Variants in TTC27 observed in about 807,000 individuals in gnomAD.
The protein encoded by TTC27 is tetratricopeptide repeat protein 27.
TTC27 carries 79 observed loss-of-function variants against 115.9 expected under a neutral mutation model. The ratio of observed to expected loss-of-function variants is 0.68; its 90% CI spans 0.57 to 0.82. The LOEUF (loss-of-function observed/expected upper bound fraction) is 0.82, where lower values mean the gene tolerates loss of function less well. TTC27 is among the 40% of genes least tolerant of loss of function. The pLI is 0.00. For synonymous variants in TTC27, 401 were observed against 356.0 expected (o/e 1.13, Z -1.42); for missense variants, 1,054 against 993.1 (o/e 1.06, Z -0.82).
chr2:32,708,301 C>CTTTTTTTTTTTTTTTTTT (rs1159740039), intron 10 of TTC27, among the ~76,000 whole-genome samples: 10 of 80,282 alleles, frequency 1.2e-4, no homozygotes, highest in South Asian at 5.2e-4. Flanking sequence ...TTTTCTCTAC[C>CTTTTTTTTTTTTTTTTTT]TTGTTTTTTT....
At chr2:32,652,510 C>G (rs748090436) in intron 5 of TTC27, among the ~76,000 whole-genome samples, 6 of 152,116 alleles carry the variant, frequency 3.9e-5, no homozygotes, top group Non-Finnish European at 8.8e-5. Context: ...AAATGTGACT[C>G]TAAGTGACTC....
intron 15 of TTC27, among the ~76,000 whole-genome samples, chr2:32,785,435 A>G (rs79200710): frequency 0.02 from 3,105 of 152,246 alleles, 59 homozygotes; most frequent in Non-Finnish European, 0.024. Flanking sequence ...TAGAATCTCT[A>G]TCAGATGTAT....
At chr2:32,741,733 G>A (rs1668655509) in intron 12 of TTC27, among the ~76,000 whole-genome samples, 1 of 152,142 alleles carries the variant, frequency 6.6e-6, no homozygotes, top group African/African-American at 2.4e-5. Context: ...CATGTAGCAA[G>A]AAGTCAATCA....
At chr2:32,809,290 G>C (rs932780369) in intron 16 of TTC27, among the ~76,000 whole-genome samples, 6 of 152,154 alleles carry the variant, frequency 3.9e-5, no homozygotes, top group Non-Finnish European at 8.8e-5. Flanking sequence ...CAGTCTTTCA[G>C]GCACAATTAT....
rs36120062 is a variant in TTC27 at position 32,723,971 on chromosome 2, CTT to C, written c.1234-9841_1234-9840del. Among the ~76,000 whole-genome samples the C allele has an allele frequency of 4.1e-4, 38 of 92,384 alleles. 2 individuals carry two copies. The highest frequency in any genetic ancestry group is 3.0e-3 in the East Asian group (8 of 2,650). 60.6% of individuals were successfully genotyped at this position (92,384 alleles called of 152,430 possible). A position where few individuals can be genotyped will look rare whatever the true frequency, so the allele number is the denominator to read the frequency against. On this transcript the variant is annotated intron_variant, in intron 10 of 19. Coordinates refer to ENST00000317907, the MANE Select transcript of TTC27 (RefSeq NM_017735.5). The stretch of plus-strand genomic sequence containing the variant: ...TGAGCCACCAGCTGGCATACATAAG[CTT>C]TTTTTTTTTTTTTTTATAGAAAGGA...
chr2:32,704,616 C>T (rs1292636487), intron 10 of TTC27, among the ~76,000 whole-genome samples: 1 of 152,132 alleles, frequency 6.6e-6, no homozygotes, highest in Non-Finnish European at 1.5e-5. Context: ...TCATAACATC[C>T]TTTGTAGCAC....
intron 16 of TTC27, among the ~76,000 whole-genome samples, chr2:32,794,544 C>G (rs1670637831): frequency 6.6e-6 from 1 of 151,550 alleles, no homozygotes; most frequent in Non-Finnish European, 1.5e-5. Context: ...AAAGAGCAAA[C>G]TAAACCCAAG....
chr2:32,812,781 T>C (rs937531294), intron 18 of TTC27, among the ~76,000 whole-genome samples, 166 bp downstream of exon 18: 1 of 152,242 alleles, frequency 6.6e-6, no homozygotes, highest in East Asian at 1.9e-4. Context: ...CCACCTACTA[T>C]GTAATAGGCA....
At chr2:32,678,649 G>C (rs1477835373) in intron 8 of TTC27, among the ~76,000 whole-genome samples, 3 of 151,990 alleles carry the variant, frequency 2.0e-5, no homozygotes, top group Non-Finnish European at 4.4e-5. Flanking sequence ...GGATGGTCTT[G>C]ATCTCCTGAC....
At chr2:32,671,771 C>T (rs1317674193) in intron 7 of TTC27, among the ~76,000 whole-genome samples, 3 of 152,328 alleles carry the variant, frequency 2.0e-5, no homozygotes, top group Middle Eastern at 6.8e-3. Context: ...ACTGATCACA[C>T]TATATTGCTG....
At chr2:32,815,223 A>AGTTTTTT (rs1671458978) in intron 18 of TTC27, among the ~76,000 whole-genome samples, 1 of 55,498 alleles carries the variant, frequency 1.8e-5, no homozygotes, top group African/African-American at 9.3e-5. Context: ...GCTGCTTCAG[A>AGTTTTTT]TTTTTTTTTT....
At chr2:32,817,347 G>GT in intron 18 of TTC27, 110 bp from the exon 19 acceptor site, 1 of 807,288 alleles carries the variant, frequency 1.2e-6, no homozygotes, top group Non-Finnish European at 2.0e-6. Context: ...AGGTAGAAGT[G>GT]TTTCTAAAGT....
chr2:32,735,638 A>G (rs1668428839), intron 11 of TTC27, among the ~76,000 whole-genome samples: 1 of 148,062 alleles, frequency 6.8e-6, no homozygotes, highest in African/African-American at 2.4e-5. Context: ...AGTTTATTAT[A>G]AAAAGAGAAT....
At chr2:32,632,900 A>G (rs533148730) in intron 2 of TTC27, among the ~76,000 whole-genome samples, 1 of 152,268 alleles carries the variant, frequency 6.6e-6, no homozygotes, top group South Asian at 2.1e-4. Context: ...TACATTTTTA[A>G]AGGGTTGGAA....
intron 10 of TTC27, among the ~76,000 whole-genome samples, chr2:32,731,083 T>A (rs1391567120): frequency 6.6e-6 from 1 of 152,022 alleles, no homozygotes; most frequent in African/African-American, 2.4e-5. Flanking sequence ...GTTTTTTTTG[T>A]GTTTTTGTTC....
intron 5 of TTC27, among the ~76,000 whole-genome samples, chr2:32,657,270 C>T (rs964862216): frequency 6.6e-6 from 1 of 151,940 alleles, no homozygotes; most frequent in African/African-American, 2.4e-5. Flanking sequence ...TATGTGCCTT[C>T]TGAGGTGAGA....
chr2:32,818,231 A>G (rs1352984099), intron 19 of TTC27, among the ~76,000 whole-genome samples: 1 of 152,188 alleles, frequency 6.6e-6, no homozygotes, highest in Non-Finnish European at 1.5e-5. Context: ...ACATATTAGA[A>G]AAAAAGCAGA....
At chr2:32,758,863 A>G (rs1669336439) in intron 13 of TTC27, among the ~76,000 whole-genome samples, 1 of 152,248 alleles carries the variant, frequency 6.6e-6, no homozygotes, top group Non-Finnish European at 1.5e-5. Flanking sequence ...CAGACAGCAT[A>G]GGACTTTGCA....
chr2:32,784,783 A>G (rs1670294617), intron 15 of TTC27, among the ~76,000 whole-genome samples: 1 of 152,128 alleles, frequency 6.6e-6, no homozygotes, highest in Admixed American at 6.5e-5. Flanking sequence ...CATGGTGTGG[A>G]TTTTTACTTG....
Sources: gnomAD v4.1 joint callset for allele counts (sites outside exome capture counted in the v4.1 genomes callset) on GRCh38, gnomAD v4.1.1 for gene constraint, MANE v1.5 for transcripts, NCBI Gene and HGNC (gene_info 2026-07-23, HGNC 2026-07-21) for gene names.